The following PTPRD variants were observed in gnomAD, a reference collection of about 807,000 sequenced individuals.
PTPRD encodes the protein receptor-type tyrosine-protein phosphatase delta.
Under a neutral mutation model 214.5 loss-of-function variants are expected in PTPRD, and 34 were observed. The observed-to-expected ratio is 0.16, with a 90% CI of 0.12 to 0.21. The LOEUF (loss-of-function observed/expected upper bound fraction) is 0.21, where lower values mean the gene tolerates loss of function less well. Ranked by LOEUF, PTPRD falls within the 10% of genes least tolerant of loss-of-function variation. The probability of loss-of-function intolerance (pLI) is 1.00; values close to 1 mark genes in which losing one functional copy is unlikely to be tolerated. For missense variants in PTPRD, 2,545 were observed against 2,398.7 expected (o/e 1.06, Z -1.27); for synonymous variants, 1,128 against 845.7 (o/e 1.33, Z -5.79).
At chr9:8,696,757 G>A (rs2097918832) in intron 12 of PTPRD, among the ~76,000 whole-genome samples, 1 of 152,140 alleles carries the variant, frequency 6.6e-6, no homozygotes, top group Non-Finnish European at 1.5e-5. Context: ...GCCAAGATAA[G>A]GAGTTTTTAC....
intron 3 of PTPRD, among the ~76,000 whole-genome samples, chr9:10,132,382 A>G (rs1344534673): frequency 6.6e-6 from 1 of 152,194 alleles, no homozygotes; most frequent in Admixed American, 6.6e-5. Context: ...ATTACTTGAG[A>G]TTCACTCTCT....
At position 9,292,447 on chromosome 9, in the gene PTPRD, A is replaced by AT. The variant is rs75317323; in HGVS notation, c.-203+105001dup. Among the ~76,000 whole-genome samples the AT allele has an allele frequency of 1.6e-3, 238 of 151,224 alleles. 1 individual carries two copies. Among genetic ancestry groups the AT allele is most frequent in the South Asian group, 5.2e-3 (25 of 4,816 alleles). On this transcript the variant is annotated intron_variant, in intron 9 of 45. Transcript: ENST00000381196. ...CTTTCTGTTAGTTTACCAAGAGAGT[A>AT]TTTTTTTTAAATAAACTTTATATTT...
rs2099553102 is a variant in PTPRD at position 9,019,336 on chromosome 9, GAACGAAAGAAA to G, written c.-142-612_-142-602del. Among the ~76,000 whole-genome samples, 5 of 18,852 alleles carry G rather than the reference GAACGAAAGAAA, an allele frequency of 2.7e-4. No individual in the cohort carries two copies. The South Asian group carries it at 0.012, about 47-fold the overall frequency. 12.4% of individuals were successfully genotyped at this position (18,852 alleles called of 152,430 possible). ...AGAAAGAAAGAAAGAAAGAAAGAAA[GAACGAAAGAAA>G]GAAAGAAAGAAAGAATCTGAATTTT... On this transcript the variant is annotated intron_variant, in intron 10 of 45. Coordinates refer to ENST00000381196, the MANE Select transcript of PTPRD (RefSeq NM_002839.4).
intron 8 of PTPRD, among the ~76,000 whole-genome samples, chr9:9,450,875 C>A (rs13295632): frequency 1.3e-5 from 2 of 149,544 alleles, no homozygotes; most frequent in Non-Finnish European, 3.0e-5. Flanking sequence ...AATTGAATGT[C>A]TAAAATCCAA....
At chr9:10,119,267 C>T (rs967867210) in intron 3 of PTPRD, among the ~76,000 whole-genome samples, 3 of 151,882 alleles carry the variant, frequency 2.0e-5, no homozygotes, top group African/African-American at 4.8e-5. Flanking sequence ...TATCTCCATA[C>T]CCTGGAAAAG....
At chr9:9,768,817 G>C (rs1301498739) in intron 5 of PTPRD, among the ~76,000 whole-genome samples, 1 of 152,198 alleles carries the variant, frequency 6.6e-6, no homozygotes, top group Admixed American at 6.5e-5. Context: ...GCCAGGCTAT[G>C]ATGAATTTAT....
At chr9:10,112,376 G>T (rs1418616019) in intron 3 of PTPRD, among the ~76,000 whole-genome samples, 1 of 152,010 alleles carries the variant, frequency 6.6e-6, no homozygotes, top group East Asian at 1.9e-4. Context: ...AAACAAATGG[G>T]CATATTATTT....
intron 11 of PTPRD, among the ~76,000 whole-genome samples, chr9:8,754,915 A>C (rs2093858862): frequency 6.6e-6 from 1 of 152,186 alleles, no homozygotes; most frequent in African/African-American, 2.4e-5. Flanking sequence ...GGCAATTCAC[A>C]AAAGAGATAA....
At chr9:8,870,486 C>T (rs967420845) in intron 11 of PTPRD, among the ~76,000 whole-genome samples, 25 of 151,940 alleles carry the variant, frequency 1.6e-4, no homozygotes, top group Non-Finnish European at 3.2e-4. Flanking sequence ...TGTCAACCAC[C>T]CCATCTTGCT....
At chr9:8,952,572 G>A (rs868003930) in intron 11 of PTPRD, among the ~76,000 whole-genome samples, 33 of 151,912 alleles carry the variant, frequency 2.2e-4, no homozygotes, top group African/African-American at 7.7e-4. Context: ...AGTGGCTTCC[G>A]AATAACTTTA....
chr9:9,843,356 T>C (rs1295142430), intron 5 of PTPRD, among the ~76,000 whole-genome samples: 2 of 152,052 alleles, frequency 1.3e-5, no homozygotes, highest in Non-Finnish European at 2.9e-5. Context: ...ATCACATTTT[T>C]TTTTAGCCAT....
chr9:10,432,123 C>A (rs1348924829), intron 2 of PTPRD, among the ~76,000 whole-genome samples: 1 of 151,744 alleles, frequency 6.6e-6, no homozygotes, highest in South Asian at 2.1e-4. Flanking sequence ...ATGATGAGTT[C>A]ATGTCCTTTG....
At chr9:9,573,499 A>G (rs1296632837) in intron 8 of PTPRD, among the ~76,000 whole-genome samples, 1 of 151,636 alleles carries the variant, frequency 6.6e-6, no homozygotes, top group Non-Finnish European at 1.5e-5. Flanking sequence ...CACTTAAGAT[A>G]TAAGTAATTT....
At chr9:10,083,736 A>G (rs917457741) in intron 3 of PTPRD, among the ~76,000 whole-genome samples, 1 of 151,858 alleles carries the variant, frequency 6.6e-6, no homozygotes, top group Non-Finnish European at 1.5e-5. Context: ...TCGGGGGTGG[A>G]TGAGGATCAT....
chr9:8,756,179 A>C (rs976313215), intron 11 of PTPRD, among the ~76,000 whole-genome samples: 6 of 152,144 alleles, frequency 3.9e-5, no homozygotes, highest in Non-Finnish European at 8.8e-5. Flanking sequence ...CAACTTCAGC[A>C]CTGACTTTCT....
At chr9:9,242,029 G>A (rs200599149) in intron 9 of PTPRD, among the ~76,000 whole-genome samples, 1 of 152,008 alleles carries the variant, frequency 6.6e-6, no homozygotes, top group Non-Finnish European at 1.5e-5. Context: ...AGCTCTTGTA[G>A]GGCAGGCCTG....
intron 10 of PTPRD, among the ~76,000 whole-genome samples, chr9:9,119,626 C>T (rs199829918): frequency 2.2e-4 from 34 of 151,844 alleles, no homozygotes; most frequent in Admixed American, 1.8e-3. Context: ...CAGGTTCAAG[C>T]GATTCTCCTG....
rs142294620 is a variant in PTPRD, at chr9:9,780,686, T to C, written c.-367-13835A>G. 6.8e-4 allele frequency among the ~76,000 whole-genome samples: 104 copies of C among 152,320 alleles called. 2 individuals are homozygous for C. Among genetic ancestry groups the C allele is most frequent in the African/African-American group, 2.4e-3 (101 of 41,566 alleles). On this transcript the variant is annotated intron_variant, in intron 5 of 45. Transcript: ENST00000381196. The stretch of plus-strand genomic sequence containing the variant: ...TTTAACCATCACACACCTAGGTATT[T>C]ATCAGAATGATTAGAAAATTTAAGT...
chr9:8,365,936 C>A (rs1276112643), intron 39 of PTPRD, among the ~76,000 whole-genome samples: 3 of 151,988 alleles, frequency 2.0e-5, no homozygotes, highest in African/African-American at 4.8e-5. Context: ...CACAGACTTG[C>A]GAGAAAAAAC....
Sources: allele counts gnomAD v4.1 joint callset (sites outside exome capture counted in the v4.1 genomes callset), GRCh38; gene constraint gnomAD v4.1.1; transcripts MANE v1.5; gene names NCBI Gene and HGNC (gene_info 2026-07-23, HGNC 2026-07-21).